ZNF560: variants seen among roughly 807,000 people sequenced by gnomAD.
ZNF560 encodes the protein zinc finger protein 560.
A neutral mutation model predicts 81.8 loss-of-function variants in ZNF560; 54 were observed. That is an observed-to-expected ratio of 0.66 (90% CI 0.53 to 0.83). The LOEUF is 0.83. Ranked by LOEUF, ZNF560 falls within the 40% of genes least tolerant of loss-of-function variation. The probability of loss-of-function intolerance (pLI) is 0.00; values close to 1 mark genes in which losing one functional copy is unlikely to be tolerated. For missense variants in ZNF560, 940 were observed against 932.4 expected (o/e 1.01, Z -0.11); for synonymous variants, 321 against 317.9 (o/e 1.01, Z -0.10).
intron 2 of ZNF560, among the ~76,000 whole-genome samples, chr19:9,497,210 A>T (rs2073573770): frequency 6.6e-6 from 1 of 151,896 alleles, no homozygotes; most frequent in African/African-American, 2.4e-5. Flanking sequence ...TTCATTTATT[A>T]TACATAGTAA....
rs2073055563 is a variant in ZNF560, at chr19:9,467,888, A to G, written c.1059T>C (p.Cys353=). The G allele has an allele frequency of 6.2e-7, 1 of 1,614,026 alleles. No individual in the cohort carries two copies. Among genetic ancestry groups the G allele is most frequent in the African/African-American group, 1.3e-5 (1 of 74,904 alleles). ...GGGTAGGGTATCTAAAATCTTTTCC[A>G]CATTCCTTACATTCATAGGGGTTTT... ...IIKNPYECKE[C]GKDFRYPTHL... Residue 353 remains cysteine (C), a synonymous_variant, in exon 10 of 10, where the codon TGT becomes TGC. Coordinates refer to ENST00000301480, the MANE Select transcript of ZNF560 (RefSeq NM_152476.3).
intron 5 of ZNF560, among the ~76,000 whole-genome samples, chr19:9,472,691 C>T (rs1320874946): frequency 6.6e-6 from 1 of 152,094 alleles, no homozygotes; most frequent in East Asian, 1.9e-4. Context: ...TATTTCATTA[C>T]AGTAGAGTTA....
In ZNF560 at chr19:9,467,540, A is replaced by G; in HGVS notation, c.1407T>C (p.Phe469=). ...PYEHKEYGKA[F]GTSSGVIEDR... ...CTTCAATAACACCTGAGGATGTACC[A>G]AAGGCCTTCCCATATTCCTTATGCT... The change falls in exon 10 of 10, where the codon TTT becomes TTC. Residue 469 remains phenylalanine, a synonymous_variant. Transcript: ENST00000301480. The G allele has an allele frequency of 6.2e-7, 1 of 1,614,050 alleles. No individual in the cohort carries two copies. The highest frequency in any genetic ancestry group is 1.1e-5 in the South Asian group (1 of 91,080).
downstream of ZNF560, among the ~76,000 whole-genome samples, chr19:9,464,523 A>G (rs187448977): frequency 1.4e-4 from 21 of 152,308 alleles, no homozygotes; most frequent in Non-Finnish European, 2.4e-4. Context: ...CCCTTCTTCA[A>G]CCCTGACCAT....
Position 9,473,232 on chromosome 19 carries a change from A to G in ZNF560, c.185T>C (p.Ile62Thr). 1 of 1,612,378 alleles carries G rather than the reference A, an allele frequency of 6.2e-7. No homozygotes were observed. Among genetic ancestry groups the G allele is most frequent in the East Asian group, 2.2e-5 (1 of 44,836 alleles). Reference sequence around the variant, plus strand: ...CAACTCTTCTTCTTCCAACCAAGAGATGACACTGGGTTTAAAGAGCTGAAA... The same window carrying G: ...CAACTCTTCTTCTTCCAACCAAGAGGTGACACTGGGTTTAAAGAGCTGAAA... ...VGFQLFKPSV[I>T]SWLEEEELRT... Residue 62 changes from isoleucine to threonine, a missense_variant, in exon 5 of 10, where the codon ATC becomes ACC. By Grantham distance (89) the Ile-to-Thr change is moderately conservative. Transcript: ENST00000301480.
chr19:9,475,347 G>A lies in ZNF560; in HGVS notation c.-34C>T, dbSNP rs2073183771. On this transcript the variant is annotated 5_prime_UTR_variant, in exon 3 of 10. Coordinates refer to ENST00000301480, the MANE Select transcript of ZNF560 (RefSeq NM_152476.3). The stretch of plus-strand genomic sequence containing the variant: ...CTGCCTCTGTCTTTTCTTCATGAAG[G>A]CAGATTGGGTTCCTAGAAAGACCTG... 6 of 1,611,184 alleles carry A rather than the reference G, an allele frequency of 3.7e-6. No homozygotes were observed. In the East Asian group the frequency reaches 1.3e-4, roughly 36 times the overall value.
At chr19:9,475,708 G>A (rs531317632) in intron 2 of ZNF560, among the ~76,000 whole-genome samples, 18 of 151,250 alleles carry the variant, frequency 1.2e-4, no homozygotes, top group African/African-American at 4.1e-4. Context: ...CTGGGTTCAC[G>A]CCATTCTCCT....
intron 2 of ZNF560, among the ~76,000 whole-genome samples, chr19:9,475,662 A>G (rs2073189587): frequency 6.7e-6 from 1 of 148,942 alleles, no homozygotes; most frequent in African/African-American, 2.5e-5. Flanking sequence ...GCTGGAGTGC[A>G]GTGGCACGAT....
chr19:9,490,654 T>G (rs1344352542), intron 2 of ZNF560, among the ~76,000 whole-genome samples: 3 of 152,252 alleles, frequency 2.0e-5, no homozygotes, highest in African/African-American at 7.2e-5. Flanking sequence ...TGAACATAGT[T>G]GTTCTGTTCC....
the ZNF560 span, among the ~76,000 whole-genome samples, chr19:9,451,857 T>C: frequency 0.017 from 2,584 of 152,200 alleles, 76 homozygotes; most frequent in African/African-American, 0.059. Context: ...GGAGGATAAC[T>C]TGAGTTCAGG....
chr19:9,486,193 AC>A (rs1032021336), intron 2 of ZNF560, among the ~76,000 whole-genome samples: 5 of 152,136 alleles, frequency 3.3e-5, no homozygotes, highest in African/African-American at 1.2e-4. Flanking sequence ...CAGGATAATT[AC>A]CCCTCTTCCT....
At chr19:9,460,084 C>T in the ZNF560 span, among the ~76,000 whole-genome samples, 1 of 152,282 alleles carries the variant, frequency 6.6e-6, no homozygotes, top group South Asian at 2.1e-4. Context: ...GCTTGTGTTT[C>T]TCCAGGACAG....
chr19:9,471,243 G>T, intron 6 of ZNF560, 53 bp downstream of exon 6: 1 of 1,306,642 alleles, frequency 7.7e-7, no homozygotes, highest in Non-Finnish European at 1.1e-6. Flanking sequence ...TATATTGGAA[G>T]TCCCAATATT....
At chr19:9,450,991 A>G in the ZNF560 span, among the ~76,000 whole-genome samples, 3 of 152,366 alleles carry the variant, frequency 2.0e-5, no homozygotes, top group Middle Eastern at 6.8e-3. Flanking sequence ...AACAATGGAA[A>G]AACACCCCAT....
chr19:9,451,182 A>G, the ZNF560 span, among the ~76,000 whole-genome samples: 1 of 152,218 alleles, frequency 6.6e-6, no homozygotes, highest in Non-Finnish European at 1.5e-5. Flanking sequence ...ATCCTATGCA[A>G]AAAGAACAAA....
At chr19:9,452,627 A>G in the ZNF560 span, among the ~76,000 whole-genome samples, 1 of 152,244 alleles carries the variant, frequency 6.6e-6, no homozygotes, top group Non-Finnish European at 1.5e-5. Flanking sequence ...GGAGGTGATC[A>G]TCCTAAACAG....
upstream of ZNF560, among the ~76,000 whole-genome samples, chr19:9,502,135 C>G (rs1214564833): frequency 6.6e-6 from 1 of 150,578 alleles, no homozygotes; most frequent in Non-Finnish European, 1.5e-5. Context: ...GCCTGGGTGA[C>G]AGAGCAAGAT....
chr19:9,475,156 G>A (rs996484415), intron 3 of ZNF560, 128 bp downstream of exon 3: 1 of 910,304 alleles, frequency 1.1e-6, no homozygotes, highest in African/African-American at 1.7e-5. Flanking sequence ...AATTCAACAA[G>A]TGACTCAGTG....
intron 2 of ZNF560, among the ~76,000 whole-genome samples, chr19:9,490,406 C>A (rs2073453065): frequency 6.6e-6 from 1 of 152,154 alleles, no homozygotes; most frequent in South Asian, 2.1e-4. Context: ...CAAGGGCACA[C>A]TGAATGTACC....
Sources: gnomAD v4.1 joint callset for allele counts (sites outside exome capture counted in the v4.1 genomes callset) on GRCh38, gnomAD v4.1.1 for gene constraint, MANE v1.5 for transcripts, NCBI Gene and HGNC (gene_info 2026-07-23, HGNC 2026-07-21) for gene names.